SCAPER: variants seen among roughly 807,000 people sequenced by gnomAD.
SCAPER encodes S phase cyclin A-associated protein in the endoplasmic reticulum.
SCAPER carries 98 observed loss-of-function variants against 182.2 expected under a neutral mutation model. The observed-to-expected ratio is 0.54, with a 90% CI of 0.46 to 0.64. The LOEUF (loss-of-function observed/expected upper bound fraction) is 0.64, where lower values mean the gene tolerates loss of function less well. Ranked by LOEUF, SCAPER falls within the 30% of genes least tolerant of loss-of-function variation. SCAPER has a pLI of 0.00. For missense variants in SCAPER, 1,432 were observed against 1,690.0 expected (o/e 0.85, Z 2.68); for synonymous variants, 605 against 564.6 (o/e 1.07, Z -1.01).
intron 25 of SCAPER, among the ~76,000 whole-genome samples, chr15:76,449,737 T>C (rs917386965): frequency 2.6e-5 from 4 of 152,140 alleles, no homozygotes; most frequent in African/African-American, 7.2e-5. Flanking sequence ...TCCTCAAATC[T>C]CCCTCTGCCT....
At chr15:76,611,678 T>C (rs975890866) in intron 22 of SCAPER, among the ~76,000 whole-genome samples, 4 of 152,100 alleles carry the variant, frequency 2.6e-5, no homozygotes, top group African/African-American at 9.7e-5. Context: ...TCATCATCAA[T>C]TTGGAAAAAT....
chr15:76,396,240 A>T (rs1188778045), intron 27 of SCAPER, among the ~76,000 whole-genome samples: 1 of 152,110 alleles, frequency 6.6e-6, no homozygotes, highest in Non-Finnish European at 1.5e-5. Flanking sequence ...GCTTTGTATT[A>T]TAAAGTCAAG....
intron 6 of SCAPER, 70 bp from the exon 7 acceptor site, chr15:76,800,434 G>A: frequency 2.1e-6 from 2 of 955,604 alleles, no homozygotes; most frequent in African/African-American, 3.3e-5. Context: ...CTTTTCTCTT[G>A]GTTGTTAGTG....
intron 4 of SCAPER, among the ~76,000 whole-genome samples, chr15:76,846,843 C>A (rs922567455): frequency 5.3e-5 from 8 of 152,194 alleles, no homozygotes; most frequent in African/African-American, 1.7e-4. Context: ...CCAGCAAACC[C>A]ACTGCTGGGT....
At chr15:76,883,079 A>C (rs1220578474) in intron 2 of SCAPER, among the ~76,000 whole-genome samples, 3 of 152,238 alleles carry the variant, frequency 2.0e-5, no homozygotes, top group Non-Finnish European at 4.4e-5. Context: ...TTGAGTAAAC[A>C]CAAATTAAGA....
rs113873171 is a variant in SCAPER, at chr15:76,675,411, G to A, written c.2509-9622C>T. On this transcript the variant is annotated intron_variant, in intron 20 of 31. Transcript: ENST00000563290. The stretch of plus-strand genomic sequence containing the variant: ...GGAGAAAACAATCTTCTGCAGAAAA[G>A]TAAAATTAATAAGGATATGCTTTAC... Among the ~76,000 whole-genome samples the A allele has an allele frequency of 7.9e-3, 1,201 of 152,254 alleles. 10 individuals are homozygous for A. Among genetic ancestry groups the A allele is most frequent in the African/African-American group, 0.027 (1,140 of 41,548 alleles).
chr15:76,736,564 A>C (rs1449079509), intron 15 of SCAPER: 1 of 152,314 alleles, frequency 6.6e-6, no homozygotes, highest in East Asian at 1.9e-4. Flanking sequence ...TATTTCAACA[A>C]TGTTCACAGT....
intron 23 of SCAPER, among the ~76,000 whole-genome samples, chr15:76,552,679 C>T (rs1194516437): frequency 1.3e-5 from 2 of 152,154 alleles, no homozygotes; most frequent in African/African-American, 2.4e-5. Flanking sequence ...CCAGCCCATA[C>T]GCAGTCTAGG....
intron 27 of SCAPER, among the ~76,000 whole-genome samples, chr15:76,388,167 T>G (rs965414086): frequency 1.3e-5 from 2 of 152,180 alleles, no homozygotes; most frequent in African/African-American, 4.8e-5. Context: ...ACCCAAGGAA[T>G]ATTTGAAGGA....
chr15:76,352,726 A>C (rs908681187), intron 30 of SCAPER, among the ~76,000 whole-genome samples: 1 of 151,958 alleles, frequency 6.6e-6, no homozygotes, highest in African/African-American at 2.4e-5. Context: ...CTGGGATTAC[A>C]GATGTGAGCC....
At chr15:76,715,405 C>T (rs1029019462) in intron 17 of SCAPER, among the ~76,000 whole-genome samples, 3 of 151,978 alleles carry the variant, frequency 2.0e-5, no homozygotes, top group African/African-American at 7.3e-5. Flanking sequence ...AGCTGTGAAA[C>T]CCTGTGTTCT....
chr15:76,387,976 A>G (rs978170556), intron 27 of SCAPER, among the ~76,000 whole-genome samples: 1 of 152,204 alleles, frequency 6.6e-6, no homozygotes, highest in African/African-American at 2.4e-5. Context: ...ATATAAGTCA[A>G]TTTTGACTAA....
intron 5 of SCAPER, among the ~76,000 whole-genome samples, chr15:76,819,967 A>T (rs2067395540): frequency 6.6e-6 from 1 of 152,264 alleles, no homozygotes; most frequent in Non-Finnish European, 1.5e-5. Context: ...ACATTTATGC[A>T]GCCAAAAGAC....
At chr15:76,532,201 T>C (rs554504648) in intron 23 of SCAPER, among the ~76,000 whole-genome samples, 1 of 152,140 alleles carries the variant, frequency 6.6e-6, no homozygotes, top group Non-Finnish European at 1.5e-5. Context: ...GCACATCTGG[T>C]GCAAGAAGCT....
chr15:76,374,604 C>T (rs924754312), intron 29 of SCAPER, among the ~76,000 whole-genome samples: 1 of 151,190 alleles, frequency 6.6e-6, no homozygotes, highest in South Asian at 2.1e-4. Flanking sequence ...GCCTCAGCCT[C>T]CCGAGTAGCT....
In SCAPER at chr15:76,721,442, G is replaced by GT. The variant is rs1253736121; in HGVS notation, c.2165+7152dup. Among the ~76,000 whole-genome samples, 37 of 151,872 alleles carry GT rather than the reference G, an allele frequency of 2.4e-4. 1 individual carries two copies. Among genetic ancestry groups the GT allele is most frequent in the African/African-American group, 1.4e-4 (6 of 41,406 alleles). On this transcript the variant is annotated intron_variant, in intron 17 of 31. Transcript: ENST00000563290. ...TTGGTTCCATATGAACTTTAAAGTA[G>GT]TTTTTTCCAATTCTGTGAAGAAAGT...
chr15:76,373,040 C>A (rs113527113), intron 29 of SCAPER, among the ~76,000 whole-genome samples: 4 of 148,210 alleles, frequency 2.7e-5, no homozygotes, highest in Middle Eastern at 3.5e-3. Context: ...TTTCCTTTTT[C>A]TTTCTTTCTT....
chr15:76,755,925 A>T (rs1243671110), intron 14 of SCAPER, among the ~76,000 whole-genome samples: 1 of 152,128 alleles, frequency 6.6e-6, no homozygotes, highest in Non-Finnish European at 1.5e-5. Context: ...GATCCTCCAG[A>T]CCCAGATGAC....
At chr15:76,581,969 C>A (rs2048304893) in intron 22 of SCAPER, among the ~76,000 whole-genome samples, 1 of 152,034 alleles carries the variant, frequency 6.6e-6, no homozygotes, top group East Asian at 1.9e-4. Context: ...TACCTCAACA[C>A]AATAAAAAAC....
Sources: gnomAD v4.1 joint callset for allele counts (sites outside exome capture counted in the v4.1 genomes callset) on GRCh38, gnomAD v4.1.1 for gene constraint, MANE v1.5 for transcripts, NCBI Gene and HGNC (gene_info 2026-07-23, HGNC 2026-07-21) for gene names.